Variants in LPL observed in about 807,000 individuals in gnomAD.
LPL encodes phospholipase A1.
In LPL, 43 loss-of-function variants were observed where a neutral mutation model predicts 52.2. That is an observed-to-expected ratio of 0.82 (90% confidence interval 0.64 to 1.06). The LOEUF (loss-of-function observed/expected upper bound fraction) is 1.06. LPL is among the 50% of genes least tolerant of loss of function. The pLI is 0.00. For missense variants in LPL, 639 were observed against 585.3 expected (o/e 1.09, Z -0.95); for synonymous variants, 244 against 215.6 (o/e 1.13, Z -1.15).
At chr8:19,952,490 C>T (rs942424839) in intron 3 of LPL, among the ~76,000 whole-genome samples, 1 of 152,120 alleles carries the variant, frequency 6.6e-6, no homozygotes, top group Non-Finnish European at 1.5e-5. Flanking sequence ...GACTTAGCTG[C>T]AAGAGACCCA....
Position 19,956,082 on chromosome 8 carries a change from A to C in LPL, c.1017A>C (p.Lys339Asn). Reference protein sequence around the residue: ...YLKTRSQMPYKVFHYQVKIHF... With the variant: ...YLKTRSQMPYNVFHYQVKIHF... ...AGACTCGTTCTCAGATGCCCTACAA[A>C]GGTAGGCTGGAGACTGTTGTAAATA... The change falls in exon 6 of 10, where the codon AAA (lysine) becomes AAC (asparagine). Residue 339 changes from lysine to asparagine, a missense_variant and splice_region_variant. Coordinates refer to ENST00000650287, the MANE Select transcript of LPL (RefSeq NM_000237.3). The C allele has an allele frequency of 6.2e-7, 1 of 1,614,156 alleles. No individual in the cohort carries two copies.
chr8:19,957,479 TAA>T (rs1425958811), intron 6 of LPL, among the ~76,000 whole-genome samples: 2 of 152,094 alleles, frequency 1.3e-5, no homozygotes, highest in Non-Finnish European at 2.9e-5. Context: ...GCGTATGAGG[TAA>T]AGAGAGGACT....
At chr8:19,955,029 G>A (rs1301573249) in intron 5 of LPL, among the ~76,000 whole-genome samples, 3 of 152,026 alleles carry the variant, frequency 2.0e-5, no homozygotes, top group South Asian at 4.2e-4. Context: ...AGAGCCCCTT[G>A]CATACTTTAT....
intron 1 of LPL, among the ~76,000 whole-genome samples, chr8:19,940,262 AC>A (rs1235015173): frequency 3.9e-5 from 6 of 152,078 alleles, no homozygotes. Context: ...CGAGGGGCTG[AC>A]CCTCCCGAAA....
At chr8:19,948,935 TA>T (rs530320828) in intron 2 of LPL, among the ~76,000 whole-genome samples, 242 of 143,664 alleles carry the variant, frequency 1.7e-3, no homozygotes, top group South Asian at 4.4e-3. Flanking sequence ...TTCTGGAAAT[TA>T]AAAAAAAAAA....
At position 19,939,624 on chromosome 8, in the gene LPL, G is replaced by T; in HGVS notation, c.88+96G>T. 1 of 1,292,186 alleles carries T rather than the reference G, an allele frequency of 7.7e-7. No individual in the cohort carries two copies. Among genetic ancestry groups the T allele is most frequent in the Non-Finnish European group, 1.1e-6 (1 of 925,244 alleles). 80.0% of individuals were successfully genotyped at this position (1,292,186 alleles called of 1,614,324 possible). ...TGAGAAGAAGGAAGTTGGAAGGGGC[G>T]GTGGATGCGCCCAGGGACTCTCCCA... On this transcript the variant is annotated intron_variant, in intron 1 of 9. Transcript: ENST00000650287. The surrounding 1 kb of genome is among the most constrained non-coding windows in gnomAD (Gnocchi z 4.0).
intron 2 of LPL, among the ~76,000 whole-genome samples, chr8:19,951,323 A>G (rs987874486): frequency 1.3e-5 from 2 of 152,146 alleles, no homozygotes; most frequent in Non-Finnish European, 1.5e-5. Flanking sequence ...CTTGAAAGCC[A>G]ACTACAAAGG....
At chr8:19,954,978 G>T (rs895016819) in intron 5 of LPL, among the ~76,000 whole-genome samples, 11 of 152,066 alleles carry the variant, frequency 7.2e-5, no homozygotes, top group South Asian at 2.1e-4. Flanking sequence ...TTCTGGGATT[G>T]CAGCTGTGAG....
rs369422450 is a variant in LPL at position 19,939,918 on chromosome 8, G to A, written c.88+390G>A. Among the ~76,000 whole-genome samples, 1 of 152,196 alleles carries A rather than the reference G, an allele frequency of 6.6e-6. No individual in the cohort carries two copies. The highest frequency in any genetic ancestry group is 1.5e-5 in the Non-Finnish European group (1 of 68,028). On this transcript the variant is annotated intron_variant, in intron 1 of 9. Transcript: ENST00000650287. The surrounding 1 kb of genome is among the most constrained non-coding windows in gnomAD (Gnocchi z 4.0). ...CTGCAGTCACCTCTCTGCCGGAGGG[G>A]CCCTGGAATGAAAGGCGCGCGGGCC... is the stretch of plus-strand genomic sequence containing the variant.
At position 19,951,885 on chromosome 8, in the gene LPL, A is replaced by C; in HGVS notation, c.366A>C (p.Pro122=). Residue 122 remains proline (P), a synonymous_variant, in exon 3 of 10, where the codon CCA becomes CCC. Coordinates refer to ENST00000650287, the MANE Select transcript of LPL (RefSeq NM_000237.3). ...TGTCACGGGCTCAGGAGCATTACCCAGTGTCCGCGGGCTACACCAAACTGG... is the reference window on the plus strand; with the variant it reads ...TGTCACGGGCTCAGGAGCATTACCCCGTGTCCGCGGGCTACACCAAACTGG... ...DWLSRAQEHY[P]VSAGYTKLVG... 3 of 1,614,156 alleles carry C rather than the reference A, an allele frequency of 1.9e-6. No homozygotes were observed. Among genetic ancestry groups the C allele is most frequent in the Non-Finnish European group, 1.7e-6 (2 of 1,180,030 alleles).
chr8:19,962,109 C>T lies in LPL; in HGVS notation c.1323-6C>T, dbSNP rs1422342083. On this transcript the variant is annotated splice_region_variant and splice_polypyrimidine_tract_variant and intron_variant, in intron 8 of 9. Transcript: ENST00000650287. ...ATGGCATATTCACATCCATTTTCTTCCACAGGGTGATCTTCTGTTCTAGGG... is the reference window on the plus strand; with the variant it reads ...ATGGCATATTCACATCCATTTTCTTTCACAGGGTGATCTTCTGTTCTAGGG... 3 of 1,599,630 alleles carry T rather than the reference C, an allele frequency of 1.9e-6. No individual in the cohort carries two copies. The highest frequency in any genetic ancestry group is 2.6e-6 in the Non-Finnish European group (3 of 1,166,992).
rs1218816174 is a variant in LPL at position 19,950,921 on chromosome 8, G to GGAAGGAAGGAAGGAAT, written c.250-835_250-834insAATGAAGGAAGGAAGG. Among the ~76,000 whole-genome samples the GGAAGGAAGGAAGGAAT allele has an allele frequency of 2.9e-5, 4 of 139,860 alleles. No homozygotes were observed. The highest frequency in any genetic ancestry group is 1.0e-4 in the African/African-American group (4 of 40,002). 91.8% of individuals were successfully genotyped at this position (139,860 alleles called of 152,430 possible). On this transcript the variant is annotated intron_variant, in intron 2 of 9. Coordinates refer to ENST00000650287, the MANE Select transcript of LPL (RefSeq NM_000237.3). The surrounding 1 kb of genome is among the most constrained non-coding windows in gnomAD (Gnocchi z 4.2). ...ATGAAGGAAGGAAGGAAGGAATGAA[G>GGAAGGAAGGAAGGAAT]GAAGGAAGGAAGGGAGGGAGGAAGA...
chr8:19,946,925 G>C (rs1338291030), intron 1 of LPL, among the ~76,000 whole-genome samples: 1 of 152,164 alleles, frequency 6.6e-6, no homozygotes, highest in East Asian at 1.9e-4. Flanking sequence ...CACCAAGTTT[G>C]GGATTAACTA....
At chr8:19,964,896 T>G (rs1371442324) in intron 9 of LPL, among the ~76,000 whole-genome samples, 1 of 152,202 alleles carries the variant, frequency 6.6e-6, no homozygotes, top group Non-Finnish European at 1.5e-5. Context: ...CTAATAATCT[T>G]CTACAGTTTC....
At position 19,962,085 on chromosome 8, in the gene LPL, T is replaced by G. The variant is rs760800462; in HGVS notation, c.1323-30T>G. 5 of 1,402,646 alleles carry G rather than the reference T, an allele frequency of 3.6e-6. No individual in the cohort carries two copies. In the African/African-American group the frequency reaches 7.1e-5, roughly 20 times the overall value. 86.9% of individuals were successfully genotyped at this position (1,402,646 alleles called of 1,614,324 possible). ...GAACAGTGCTTTTGATTGTTCTACA[T>G]GGCATATTCACATCCATTTTCTTCC... is the stretch of plus-strand genomic sequence containing the variant. On this transcript the variant is annotated intron_variant, in intron 8 of 9. Coordinates refer to ENST00000650287, the MANE Select transcript of LPL (RefSeq NM_000237.3).
intron 2 of LPL, among the ~76,000 whole-genome samples, chr8:19,949,315 C>T (rs146135905): frequency 2.6e-5 from 4 of 152,116 alleles, no homozygotes; most frequent in East Asian, 3.9e-4. Context: ...AGAGGACAAT[C>T]GCTACAATTT....
At chr8:19,949,330 AGAGAT>A (rs1389616067) in intron 2 of LPL, among the ~76,000 whole-genome samples, 4 of 152,216 alleles carry the variant, frequency 2.6e-5, no homozygotes, top group Non-Finnish European at 5.9e-5. Context: ...CAATTTTTAT[AGAGAT>A]GAGACTACTA....
chr8:19,955,746 C>A, intron 5 of LPL, 95 bp from the exon 6 acceptor site: 1 of 1,494,038 alleles, frequency 6.7e-7, no homozygotes, highest in Non-Finnish European at 9.3e-7. Flanking sequence ...TGATTCTACT[C>A]TAACACCACA....
intron 9 of LPL, among the ~76,000 whole-genome samples, 187 bp downstream of exon 9, chr8:19,962,406 C>T (rs983204202): frequency 6.6e-6 from 1 of 152,160 alleles, no homozygotes; most frequent in Non-Finnish European, 1.5e-5. Flanking sequence ...TGCAATACTT[C>T]CTCTTTTTTT....
Sources: gnomAD v4.1 joint callset for allele counts (sites outside exome capture counted in the v4.1 genomes callset) on GRCh38, gnomAD v4.1.1 for gene constraint, Gnocchi (gnomAD v3.1) non-coding constraint, MANE v1.5 for transcripts, NCBI Gene and HGNC (gene_info 2026-07-23, HGNC 2026-07-21) for gene names.